Variants in GPR137B observed in about 807,000 individuals in gnomAD.
The protein encoded by GPR137B is integral membrane protein GPR137B.
A neutral mutation model predicts 42.5 loss-of-function variants in GPR137B; 42 were observed. That is an observed-to-expected ratio of 0.99 (90% confidence interval 0.77 to 1.28). The LOEUF (loss-of-function observed/expected upper bound fraction) is 1.28. Ranked by LOEUF, GPR137B falls within the 50% of genes most tolerant of loss-of-function variation. The pLI, the probability that GPR137B is intolerant of heterozygous loss-of-function variation, is 0.00. For synonymous variants in GPR137B, 218 were observed against 209.7 expected (o/e 1.04, Z -0.34); for missense variants, 487 against 493.9 (o/e 0.99, Z 0.13).
intron 5 of GPR137B, among the ~76,000 whole-genome samples, chr1:236,195,303 C>T (rs1287301093): frequency 6.6e-6 from 1 of 151,960 alleles, no homozygotes; most frequent in East Asian, 1.9e-4. Context: ...CTTCTCCTCT[C>T]TGTGTCCATG....
intron 1 of GPR137B, among the ~76,000 whole-genome samples, chr1:236,146,679 A>G (rs763214019): frequency 2.0e-5 from 3 of 152,218 alleles, no homozygotes; most frequent in Non-Finnish European, 2.9e-5. Context: ...TTGGGTACAC[A>G]TCTGAGGGTA....
chr1:236,147,253 G>A (rs933859498), intron 1 of GPR137B, among the ~76,000 whole-genome samples: 1 of 148,346 alleles, frequency 6.7e-6, no homozygotes, highest in African/African-American at 2.4e-5. Flanking sequence ...AGGCAGCCCA[G>A]GGGAGGGGCA....
rs1261919882 is a variant in GPR137B at position 236,208,893 on chromosome 1, T to C, written c.*735T>C. On this transcript the variant is annotated 3_prime_UTR_variant, in exon 7 of 7. Transcript: ENST00000366592. ...AGCTGACTTATCCTATTAAACCTCC[T>C]CTGCTATGTTCACAGATTCTGCATA... The C allele has an allele frequency of 2.0e-6, 2 of 984,598 alleles. No homozygotes were observed. The highest frequency in any genetic ancestry group is 2.4e-6 in the Non-Finnish European group (2 of 829,190). 61.0% of individuals were successfully genotyped at this position (984,598 alleles called of 1,614,324 possible).
Position 236,208,148 on chromosome 1 carries a change from G to A in GPR137B, c.1190G>A (p.Ser397Asn), listed in dbSNP as rs747037777. 7 of 1,613,562 alleles carry A rather than the reference G, an allele frequency of 4.3e-6. No individual in the cohort carries two copies. In the African/African-American group the frequency reaches 9.3e-5, roughly 22 times the overall value. ...QDSTLDPDKP[S>N]LG ...TCAACTTTGGATCCTGACAAACCAA[G>A]CCTTGGGTAGCATCAGTTAACAGTT... is the stretch of plus-strand genomic sequence containing the variant. Residue 397 changes from serine (S) to asparagine (N), a missense_variant, in exon 7 of 7, where the codon AGC becomes AAC. By Grantham distance (46) the Ser-to-Asn change is conservative. Transcript: ENST00000366592.
intron 5 of GPR137B, among the ~76,000 whole-genome samples, chr1:236,191,520 G>C (rs1663192637): frequency 6.6e-6 from 1 of 151,998 alleles, no homozygotes; most frequent in Non-Finnish European, 1.5e-5. Context: ...CTTCGGATGG[G>C]GTCTCTGAGT....
intron 1 of GPR137B, among the ~76,000 whole-genome samples, chr1:236,146,966 G>A (rs922851195): frequency 3.3e-5 from 5 of 152,126 alleles, no homozygotes; most frequent in Non-Finnish European, 5.9e-5. Flanking sequence ...GCGCCACCAC[G>A]CCTGGCTAAT....
intron 1 of GPR137B, among the ~76,000 whole-genome samples, chr1:236,164,106 C>G (rs571447188): frequency 9.4e-4 from 143 of 152,306 alleles, no homozygotes; most frequent in Non-Finnish European, 1.7e-3. Context: ...CCTCCTCACA[C>G]CACTGGTGCT....
intron 1 of GPR137B, among the ~76,000 whole-genome samples, chr1:236,160,532 G>A (rs1485826277): frequency 6.6e-6 from 1 of 152,114 alleles, no homozygotes; most frequent in African/African-American, 2.4e-5. Flanking sequence ...CGGGACCCAG[G>A]CTCCTTCTGT....
At chr1:236,165,723 C>T (rs544440951) in intron 1 of GPR137B, among the ~76,000 whole-genome samples, 22 of 152,282 alleles carry the variant, frequency 1.4e-4, no homozygotes, top group African/African-American at 3.6e-4. Context: ...CGCTGTATAC[C>T]GTATGTTTCT....
rs1160645210 is a variant in GPR137B at position 236,169,228 on chromosome 1, A to ACAGGTGCAGGTG, written c.464+489_464+500dup. Among the ~76,000 whole-genome samples the ACAGGTGCAGGTG allele has an allele frequency of 4.3e-4, 55 of 126,592 alleles. No individual in the cohort carries two copies. The South Asian group carries it at 6.3e-3, about 15-fold the overall frequency. 83.0% of individuals were successfully genotyped at this position (126,592 alleles called of 152,430 possible). On this transcript the variant is annotated intron_variant, in intron 2 of 6. Coordinates refer to ENST00000366592, the MANE Select transcript of GPR137B (RefSeq NM_003272.4). Reference sequence around the variant, plus strand: ...TGCAGGTGCAGGTACAGGTACAGGTACAGGTGCAGGTGCAGGTGCAGGTGC... The same window carrying ACAGGTGCAGGTG: ...TGCAGGTGCAGGTACAGGTACAGGTACAGGTGCAGGTGCAGGTGCAGGTGCAGGTGCAGGTGC...
chr1:236,143,309 G>A (rs1463905191), intron 1 of GPR137B, among the ~76,000 whole-genome samples: 1 of 152,288 alleles, frequency 6.6e-6, no homozygotes, highest in Non-Finnish European at 1.5e-5. Context: ...GCATCGTGCG[G>A]TGGATTCGGG....
intron 1 of GPR137B, among the ~76,000 whole-genome samples, chr1:236,159,889 C>T (rs1334726877): frequency 1.3e-5 from 2 of 152,208 alleles, no homozygotes; most frequent in Admixed American, 1.3e-4. Context: ...ACTGTGGGAG[C>T]GGGTGGTGCG....
At chr1:236,178,137 C>A (rs1383023064) in intron 2 of GPR137B, among the ~76,000 whole-genome samples, 2 of 152,136 alleles carry the variant, frequency 1.3e-5, no homozygotes, top group Admixed American at 1.3e-4. Flanking sequence ...GTAGGGAGCG[C>A]TCAGCGAGTG....
chr1:236,145,126 T>C (rs1341946785), intron 1 of GPR137B, among the ~76,000 whole-genome samples: 4 of 152,228 alleles, frequency 2.6e-5, no homozygotes, highest in Admixed American at 6.5e-5. Context: ...TGTCTCCATC[T>C]CTGAGTGCTG....
chr1:236,186,459 G>A lies in GPR137B; in HGVS notation c.966+2553G>A, dbSNP rs1031147552. On this transcript the variant is annotated intron_variant, in intron 5 of 6. Coordinates refer to ENST00000366592, the MANE Select transcript of GPR137B (RefSeq NM_003272.4). The stretch of plus-strand genomic sequence containing the variant: ...CCCATCAACCCATCACCTACATGAG[G>A]TATTTCTCCTAATGCTCTCCCTCCC... Among the ~76,000 whole-genome samples, 55 of 146,584 alleles carry A rather than the reference G, an allele frequency of 3.8e-4. 1 individual carries two copies. Among genetic ancestry groups the A allele is most frequent in the Non-Finnish European group, 1.5e-4 (10 of 67,278 alleles).
At chr1:236,149,364 G>A (rs981877222) in intron 1 of GPR137B, among the ~76,000 whole-genome samples, 3 of 152,136 alleles carry the variant, frequency 2.0e-5, no homozygotes, top group Non-Finnish European at 4.4e-5. Context: ...CCAGCCAGGC[G>A]TGCAGAGGCA....
Position 236,150,540 on chromosome 1 carries a change from C to T in GPR137B, c.414+7504C>T, listed in dbSNP as rs1432763132. Reference sequence around the variant, plus strand: ...CCTGCCAACCGAGGGGGAACTAAATCCTGTTAATGCCCTCAGCACTCGGGG... The same window carrying T: ...CCTGCCAACCGAGGGGGAACTAAATTCTGTTAATGCCCTCAGCACTCGGGG... On this transcript the variant is annotated intron_variant, in intron 1 of 6. Transcript: ENST00000366592. The surrounding 1 kb of genome is among the most constrained non-coding windows in gnomAD (Gnocchi z 6.2). Among the ~76,000 whole-genome samples, 1 of 152,120 alleles carries T rather than the reference C, an allele frequency of 6.6e-6. No homozygotes were observed. The highest frequency in any genetic ancestry group is 1.9e-4 in the East Asian group (1 of 5,196).
At chr1:236,203,626 CAA>C (rs1165431745) in intron 5 of GPR137B, among the ~76,000 whole-genome samples, 2 of 152,142 alleles carry the variant, frequency 1.3e-5, no homozygotes, top group Non-Finnish European at 2.9e-5. Context: ...GCCATTTTAA[CAA>C]TATTGATTCC....
At chr1:236,162,867 G>A (rs1662238528) in intron 1 of GPR137B, among the ~76,000 whole-genome samples, 1 of 152,232 alleles carries the variant, frequency 6.6e-6, no homozygotes, top group Non-Finnish European at 1.5e-5. Context: ...AGTGCAGAAG[G>A]GAAATGTGGG....
Sources: gnomAD v4.1 joint callset for allele counts (sites outside exome capture counted in the v4.1 genomes callset) on GRCh38, gnomAD v4.1.1 for gene constraint, Gnocchi (gnomAD v3.1) non-coding constraint, MANE v1.5 for transcripts, NCBI Gene and HGNC (gene_info 2026-07-23, HGNC 2026-07-21) for gene names.